The following FLT4 variants were observed in gnomAD, a reference collection of about 807,000 sequenced individuals.
The protein encoded by FLT4 is vascular endothelial growth factor receptor 3.
FLT4 carries 30 observed loss-of-function variants against 163.2 expected under a neutral mutation model. The observed-to-expected ratio is 0.18, with a 90% CI of 0.14 to 0.25. The LOEUF (loss-of-function observed/expected upper bound fraction) is 0.25. FLT4 is among the 10% of genes least tolerant of loss of function. The pLI is 1.00. For missense variants in FLT4, 1,510 were observed against 1,863.8 expected (o/e 0.81, Z 3.50); for synonymous variants, 884 against 789.5 (o/e 1.12, Z -2.01).
rs369278638 is a variant in FLT4, at chr5:180,618,830, G to T, written c.2941C>A (p.Leu981Ile). ...RRRPGSSDRV[L>I]FARFSKTEGG... ...TCGGTCTTCGAGAACCGCGCGAAGA[G>T]GACCCTGTCGCTGCTCCCCGGCCGC... Residue 981 changes from leucine to isoleucine, a missense_variant, in exon 21 of 30, where the codon CTC becomes ATC. Leu to Ile is a conservative substitution (Grantham distance 5). Around this residue, in one of 5 missense-constraint regions of FLT4, gnomAD observed 878 missense variants for 1,016.7 expected, o/e 0.86. Coordinates refer to ENST00000261937, the MANE Select transcript of FLT4 (RefSeq NM_182925.5). 43 of 1,584,518 alleles carry T rather than the reference G, an allele frequency of 2.7e-5. No homozygotes were observed. The highest frequency in any genetic ancestry group is 3.6e-5 in the Non-Finnish European group (42 of 1,166,210).
chr5:180,618,790 C>A lies in FLT4; in HGVS notation c.2981G>T (p.Arg994Leu). Residue 994 changes from arginine (R) to leucine (L), a missense_variant, in exon 21 of 30, where the codon CGG (arginine) becomes CTG (leucine). Arg to Leu is a moderately radical substitution (Grantham distance 102). This residue lies in a region of FLT4 where 878 missense variants were observed against 1,016.7 expected (regional missense o/e 0.86). Transcript: ENST00000261937. ...RFSKTEGGAR[R>L]ASPDQEAEDL... ...CTCACCTTCTTGGTCTGGAGAAGCCCGCCTCGCTCCGCCCTCGGTCTTCGA... is the reference window on the plus strand; with the variant it reads ...CTCACCTTCTTGGTCTGGAGAAGCCAGCCTCGCTCCGCCCTCGGTCTTCGA... The A allele has an allele frequency of 2.5e-6, 4 of 1,588,478 alleles. No homozygotes were observed. The East Asian group carries it at 9.3e-5, about 37-fold the overall frequency.
At chr5:180,609,574 C>A (rs910977113) in intron 28 of FLT4, 5 of 395,138 alleles carry the variant, frequency 1.3e-5, no homozygotes, top group Non-Finnish European at 2.4e-5. Flanking sequence ...TGGCCAAGGG[C>A]TCCCATGGGG....
rs374183858 is a variant in FLT4, at chr5:180,647,138, C to T, written c.58+2350G>A. Among the ~76,000 whole-genome samples, 4 of 152,210 alleles carry T rather than the reference C, an allele frequency of 2.6e-5. No homozygotes were observed. The East Asian group carries it at 7.7e-4, about 29-fold the overall frequency. On this transcript the variant is annotated intron_variant, in intron 1 of 29. Coordinates refer to ENST00000261937, the MANE Select transcript of FLT4 (RefSeq NM_182925.5). ...CTGAGACCAGGCCACTCCAGATGCC[C>T]AGCAGACCCTGCTCCTGCATGTCCC...
Position 180,629,551 on chromosome 5 carries a change from T to C in FLT4, c.817-124A>G, listed in dbSNP as rs879068795. On this transcript the variant is annotated intron_variant, in intron 6 of 29. Coordinates refer to ENST00000261937, the MANE Select transcript of FLT4 (RefSeq NM_182925.5). ...AGCCCTGGACCCAGGCCCTGAGTTT[T>C]CTTTGGGTGGAACACTTGCCACTCA... is the stretch of plus-strand genomic sequence containing the variant. 5 of 1,470,092 alleles carry C rather than the reference T, an allele frequency of 3.4e-6. No homozygotes were observed. In the Admixed American group the frequency reaches 7.5e-5, roughly 22 times the overall value. The allele number at this position is 1,470,092 out of a possible 1,614,324, so 91.1% of individuals were successfully genotyped here. A position where few individuals can be genotyped will look rare whatever the true frequency, so the allele number is the denominator to read the frequency against.
Position 180,620,308 on chromosome 5 carries a change from G to T in FLT4, c.2407C>A (p.Pro803Thr). The change falls in exon 17 of 30, where the codon CCG (proline) becomes ACG (threonine). Residue 803 changes from proline (P) to threonine (T), a missense_variant and splice_region_variant. Physicochemically the swap from Pro to Thr is conservative, Grantham distance 38. Coordinates refer to ENST00000261937, the MANE Select transcript of FLT4 (RefSeq NM_182925.5). The surrounding 1 kb of genome is among the most constrained non-coding windows in gnomAD (Gnocchi z 4.4). ...LLLIFCNMRR[P>T]AHADIKTGYL... ...CCCGTCTTGATGTCTGCGTGGGCCG[G>T]CTGCGGGGAGGGGACAGGGAGGAGT... 6.2e-7 allele frequency: 1 copy of T among 1,610,928 alleles called. No homozygotes were observed.
Position 180,630,061 on chromosome 5 carries a change from A to G in FLT4, c.558T>C (p.Asp186=), listed in dbSNP as rs771276104. The G allele has an allele frequency of 6.8e-6, 11 of 1,612,640 alleles. No homozygotes were observed. The highest frequency in any genetic ancestry group is 9.3e-6 in the Non-Finnish European group (11 of 1,180,020). Residue 186 remains aspartate (D), a synonymous_variant, in exon 5 of 30, where the codon GAT becomes GAC. Coordinates refer to ENST00000261937, the MANE Select transcript of FLT4 (RefSeq NM_182925.5). This position sits in a 1 kb window ranked among gnomAD's most constrained non-coding sequence, Gnocchi z 6.3. ...TGGACACGAGCATGCCCCGCCGGTCATCCCACACCACCTCCTGCCCGTCTG... is the reference window on the plus strand; with the variant it reads ...TGGACACGAGCATGCCCCGCCGGTCGTCCCACACCACCTCCTGCCCGTCTG... ...LWPDGQEVVW[D]DRRGMLVSTP... is the part of the protein sequence containing the mutation.
chr5:180,618,715 G>C, intron 21 of FLT4, 55 bp downstream of exon 21: 1 of 1,553,874 alleles, frequency 6.4e-7, no homozygotes, highest in Non-Finnish European at 8.7e-7. Flanking sequence ...GCCTGATCAC[G>C]GGATATAACC....
In FLT4 at chr5:180,631,708, G is replaced by A. The variant is rs141948473; in HGVS notation, c.129C>T (p.Thr43=). Residue 43 remains threonine, a synonymous_variant, in exon 2 of 30, where the codon ACC becomes ACT. Coordinates refer to ENST00000261937, the MANE Select transcript of FLT4 (RefSeq NM_182925.5). ...NITEESHVID[T]GDSLSISCRG... Reference sequence around the variant, plus strand: ...TGCAGGAGATGGACAGGCTGTCACCGGTGTCGATGACGTGTGACTCCTCCG... The same window carrying A: ...TGCAGGAGATGGACAGGCTGTCACCAGTGTCGATGACGTGTGACTCCTCCG... 7.1e-5 allele frequency: 114 copies of A among 1,610,470 alleles called. No homozygotes were observed. Among genetic ancestry groups the A allele is most frequent in the African/African-American group, 4.5e-4 (34 of 75,022 alleles).
intron 23 of FLT4, 88 bp downstream of exon 23, chr5:180,616,279 G>A (rs1463056272): frequency 1.9e-6 from 3 of 1,572,770 alleles, no homozygotes; most frequent in Non-Finnish European, 2.6e-6. Context: ...CCCTGTGCCA[G>A]CCCTCCCTCT....
chr5:180,618,726 G>T (rs1468738561), intron 21 of FLT4, 44 bp downstream of exon 21: 11 of 1,563,446 alleles, frequency 7.0e-6, no homozygotes, highest in Non-Finnish European at 9.5e-6. Flanking sequence ...GGATATAACC[G>T]GGCCCGTCAG....
chr5:180,640,516 C>A (rs1581707423), intron 1 of FLT4, among the ~76,000 whole-genome samples: 1 of 152,250 alleles, frequency 6.6e-6, no homozygotes. Context: ...GCTGCCTGGG[C>A]CCTGTGCCCC....
chr5:180,621,587 G>A lies in FLT4; in HGVS notation c.1975C>T (p.Arg659Cys), dbSNP rs764133819. 6.2e-7 allele frequency: 1 copy of A among 1,611,544 alleles called. No homozygotes were observed. The highest frequency in any genetic ancestry group is 8.5e-7 in the Non-Finnish European group (1 of 1,179,184). The change falls in exon 13 of 30, where the codon CGC becomes TGC. Residue 659 changes from arginine (R) to cysteine (C), a missense_variant. Physicochemically the swap from Arg to Cys is radical, Grantham distance 180 (BLOSUM62 -3). Around this residue, in one of 5 missense-constraint regions of FLT4, gnomAD observed 878 missense variants for 1,016.7 expected, o/e 0.86. Coordinates refer to ENST00000261937, the MANE Select transcript of FLT4 (RefSeq NM_182925.5). ...GHYVCEVQDR[R>C]SHDKHCHKKY... ...TTGTGGCAGTGCTTGTCATGGCTGC[G>A]CCGGTCTTGCACTTCGCACACATAG...
Position 180,620,481 on chromosome 5 carries a change from C to T in FLT4, c.2406+128G>A. 2 of 1,182,570 alleles carry T rather than the reference C, an allele frequency of 1.7e-6. No individual in the cohort carries two copies. The highest frequency in any genetic ancestry group is 2.5e-6 in the Non-Finnish European group (2 of 802,066). 73.3% of individuals were successfully genotyped at this position (1,182,570 alleles called of 1,614,324 possible). ...CGGGGTTGGAGCCCAGCGTGAAGGGCAGGGAGGCTTCCCAGGAAACAAGGC... is the reference window on the plus strand; with the variant it reads ...CGGGGTTGGAGCCCAGCGTGAAGGGTAGGGAGGCTTCCCAGGAAACAAGGC... On this transcript the variant is annotated intron_variant, in intron 16 of 29. Coordinates refer to ENST00000261937, the MANE Select transcript of FLT4 (RefSeq NM_182925.5). This position sits in a 1 kb window ranked among gnomAD's most constrained non-coding sequence, Gnocchi z 4.4.
intron 23 of FLT4, among the ~76,000 whole-genome samples, chr5:180,615,341 C>CTG (rs1762576660): frequency 2.0e-5 from 3 of 150,992 alleles, no homozygotes; most frequent in African/African-American, 4.9e-5. Flanking sequence ...AGCACTGGGC[C>CTG]CCGCTGGTCA....
In FLT4 at chr5:180,605,458, CG is replaced by C. The variant is rs767648901; in HGVS notation, c.3894-2069del. On this transcript the variant is annotated intron_variant, in intron 29 of 29. Coordinates refer to ENST00000261937, the MANE Select transcript of FLT4 (RefSeq NM_182925.5). ...CTGTTTCTTTTGAACAATTGTCTAC[CG>C]GGAAGTTTTAACTCTAATACTGTCT... 3.5e-4 allele frequency among the ~76,000 whole-genome samples: 54 copies of C among 152,154 alleles called. 1 individual carries two copies. Among genetic ancestry groups the C allele is most frequent in the Non-Finnish European group, 2.4e-4 (16 of 68,000 alleles).
At chr5:180,650,248 G>A (rs966028337), upstream of FLT4, among the ~76,000 whole-genome samples, 1 of 151,770 alleles carries the variant, frequency 6.6e-6, no homozygotes, top group Non-Finnish European at 1.5e-5. Context: ...AGTGTCGACG[G>A]AAGCCGCACC....
intron 1 of FLT4, among the ~76,000 whole-genome samples, chr5:180,635,945 ATGGGTGGATGGGTGGG>A (rs1234175194): frequency 2.1e-5 from 2 of 94,034 alleles, no homozygotes; most frequent in Admixed American, 1.3e-4. Context: ...GGATGGAAGT[ATGGGTGGATGGGTGGG>A]TGGGTGGATG....
At chr5:180,643,220 G>A (rs1002015215) in intron 1 of FLT4, among the ~76,000 whole-genome samples, 16 of 152,184 alleles carry the variant, frequency 1.1e-4, no homozygotes, top group Non-Finnish European at 2.9e-5. Context: ...TCCTGACCCC[G>A]CTCATCCCCC....
chr5:180,643,417 C>T (rs953766504), intron 1 of FLT4, among the ~76,000 whole-genome samples: 10 of 152,188 alleles, frequency 6.6e-5, no homozygotes, highest in East Asian at 1.9e-4. Context: ...GAACCCCTCC[C>T]GGGCATTGCA....
Sources: gnomAD v4.1 joint callset for allele counts (sites outside exome capture counted in the v4.1 genomes callset) on GRCh38, gnomAD v4.1.1 for gene constraint, gnomAD v4.1.1 regional missense constraint, Gnocchi (gnomAD v3.1) non-coding constraint, MANE v1.5 for transcripts, NCBI Gene and HGNC (gene_info 2026-07-23, HGNC 2026-07-21) for gene names.